The following IL7 variants were observed in gnomAD, a reference collection of about 807,000 sequenced individuals.
The protein encoded by IL7 is interleukin 7.
Under a neutral mutation model 21.6 loss-of-function variants are expected in IL7, and 3 were observed. That is an observed-to-expected ratio of 0.14 (90% CI 0.06 to 0.36). The LOEUF is 0.36. Ranked by LOEUF, IL7 falls within the 10% of genes least tolerant of loss-of-function variation. The pLI is 1.00. For synonymous variants in IL7, 62 were observed against 68.1 expected, an observed-to-expected ratio of 0.91 and a Z score of 0.44; for missense variants, 175 against 200.2, an observed-to-expected ratio of 0.87 and a Z score of 0.76.
intron 3 of IL7, among the ~76,000 whole-genome samples, chr8:78,688,569 AT>A (rs1364934653): frequency 6.6e-6 from 1 of 152,178 alleles, no homozygotes; most frequent in Admixed American, 6.5e-5. Context: ...TTATTTTACA[AT>A]GCTACAAAAT....
At chr8:78,687,737 T>C (rs182923361) in intron 3 of IL7, among the ~76,000 whole-genome samples, 47 of 66,014 alleles carry the variant, frequency 7.1e-4, no homozygotes, top group Non-Finnish European at 9.8e-4. Context: ...TATATATATT[T>C]ATGTAATACA....
At chr8:78,721,496 A>C (rs1398028366) in intron 3 of IL7, 1 of 152,052 alleles carries the variant, frequency 6.6e-6, no homozygotes, top group Non-Finnish European at 1.5e-5. Flanking sequence ...ATTCAATCTT[A>C]TCTCACTTTT....
At chr8:78,697,992 G>GT (rs1441557856) in intron 3 of IL7, among the ~76,000 whole-genome samples, 5 of 151,948 alleles carry the variant, frequency 3.3e-5, no homozygotes, top group Admixed American at 6.6e-5. Flanking sequence ...CTTTTTTGTT[G>GT]TTTTTTTCAG....
intron 2 of IL7, among the ~76,000 whole-genome samples, chr8:78,748,975 C>T (rs1272373525): frequency 6.6e-6 from 1 of 152,022 alleles, no homozygotes; most frequent in Non-Finnish European, 1.5e-5. Context: ...TATAATAAAA[C>T]ATTAAGAGAA....
At chr8:78,750,605 C>T (rs1332660293) in intron 2 of IL7, among the ~76,000 whole-genome samples, 1 of 152,234 alleles carries the variant, frequency 6.6e-6, no homozygotes, top group African/African-American at 2.4e-5. Flanking sequence ...AGGCAGATCA[C>T]GAGGTCAGGA....
intron 2 of IL7, among the ~76,000 whole-genome samples, chr8:78,780,984 A>G (rs966715953): frequency 6.6e-6 from 1 of 152,158 alleles, no homozygotes; most frequent in Non-Finnish European, 1.5e-5. Flanking sequence ...CAATTATGTA[A>G]TGCCTTTATC....
Position 78,707,258 on chromosome 8 carries a change from C to G in IL7, n.214+14090G>C, listed in dbSNP as rs549375997. ...GATATTTTTCAGTATTTCTATAGTA[C>G]TGGCAATTTTATCAGTTGGCAATAT... On this transcript the variant is annotated intron_variant and non_coding_transcript_variant, in intron 3 of 4. Transcript: ENST00000523959. 3.0e-4 allele frequency among the ~76,000 whole-genome samples: 45 copies of G among 152,298 alleles called. 1 individual carries two copies. In the South Asian group the frequency reaches 8.1e-3, roughly 27 times the overall value.
chr8:78,717,898 T>A (rs140899604), downstream of IL7: 17 of 156,106 alleles, frequency 1.1e-4, no homozygotes, highest in South Asian at 3.3e-3. Flanking sequence ...AACATTTGTA[T>A]TATTGGTGCC....
At chr8:78,780,841 T>C (rs1813304119) in intron 2 of IL7, among the ~76,000 whole-genome samples, 1 of 152,240 alleles carries the variant, frequency 6.6e-6, no homozygotes, top group African/African-American at 2.4e-5. Flanking sequence ...TGTTAAATTC[T>C]CTCACTATTA....
rs538612144 is a variant in IL7, at chr8:78,684,117, A to G, written n.273+1772T>C. Among the ~76,000 whole-genome samples the G allele has an allele frequency of 3.9e-5, 6 of 152,286 alleles. No individual in the cohort carries two copies. In the South Asian group the frequency reaches 1.2e-3, roughly 32 times the overall value. On this transcript the variant is annotated intron_variant and non_coding_transcript_variant, in intron 4 of 4. Transcript: ENST00000523959. ...CAAACTGTTTCAGCCTCTGCTCGTTACCCAGTTCCAAAGTTGCTTACACAT... is the reference window on the plus strand; with the variant it reads ...CAAACTGTTTCAGCCTCTGCTCGTTGCCCAGTTCCAAAGTTGCTTACACAT...
chr8:78,719,462 C>G (rs2130627935), intron 5 of IL7: 1 of 151,728 alleles, frequency 6.6e-6, no homozygotes, highest in East Asian at 1.9e-4. Flanking sequence ...TATTTAAATG[C>G]ATTTTTATAT....
rs1810655685 is a variant in IL7, at chr8:78,702,985, C to T, written n.215-17038G>A. On this transcript the variant is annotated intron_variant and non_coding_transcript_variant, in intron 3 of 4. Transcript: ENST00000523959. Reference sequence around the variant, plus strand: ...GATCTTGGCTCGCTGCAACCTCTGCCTCCTGGGTTCAAGCGATTCTCCTGC... The same window carrying T: ...GATCTTGGCTCGCTGCAACCTCTGCTTCCTGGGTTCAAGCGATTCTCCTGC... 2.6e-5 allele frequency among the ~76,000 whole-genome samples: 4 copies of T among 152,092 alleles called. No individual in the cohort carries two copies. In the South Asian group the frequency reaches 8.3e-4, roughly 32 times the overall value.
At chr8:78,751,871 T>C (rs1405568442) in intron 2 of IL7, among the ~76,000 whole-genome samples, 2 of 152,202 alleles carry the variant, frequency 1.3e-5, no homozygotes, top group Admixed American at 6.5e-5. Context: ...TAATTCCTCC[T>C]ATCTAGTTAT....
intron 3 of IL7, chr8:78,697,386 A>AT (rs759250877): frequency 1.6e-5 from 25 of 1,545,284 alleles, no homozygotes; most frequent in South Asian, 4.8e-5. Context: ...GTTGATTAAT[A>AT]TTTTTTTTCC....
intron 2 of IL7, among the ~76,000 whole-genome samples, chr8:78,759,063 C>A (rs1006337179): frequency 4.0e-5 from 6 of 150,504 alleles, no homozygotes; most frequent in African/African-American, 1.5e-4. Flanking sequence ...TTATTCCCCC[C>A]CCCACCTTTT....
At chr8:78,770,344 C>A (rs74536555) in intron 2 of IL7, among the ~76,000 whole-genome samples, 6,696 of 148,278 alleles carry the variant, frequency 0.045, 212 homozygotes, top group Middle Eastern at 0.082. Flanking sequence ...AGAGCTTGGT[C>A]AATTGGAGCT....
At chr8:78,802,684 C>A (rs941902270) in intron 1 of IL7, among the ~76,000 whole-genome samples, 1 of 152,268 alleles carries the variant, frequency 6.6e-6, no homozygotes, top group South Asian at 2.1e-4. Flanking sequence ...CTGCCCACCT[C>A]AGCCTCCCCA....
In IL7 at chr8:78,753,001, G is replaced by T. The variant is rs191796282; in HGVS notation, c.148-12919C>A. ...TCTTTATCCAGTCTAACATTGATGG[G>T]CATTTGGGTTGGTTCCAAGTCTTTG... On this transcript the variant is annotated intron_variant, in intron 2 of 5. Coordinates refer to ENST00000263851, the MANE Select transcript of IL7 (RefSeq NM_000880.4). Among the ~76,000 whole-genome samples the T allele has an allele frequency of 2.4e-3, 368 of 152,250 alleles. 2 individuals carry two copies. Among genetic ancestry groups the T allele is most frequent in the African/African-American group, 8.3e-3 (343 of 41,546 alleles).
At chr8:78,801,336 A>G (rs1361678103) in intron 1 of IL7, among the ~76,000 whole-genome samples, 1 of 152,154 alleles carries the variant, frequency 6.6e-6, no homozygotes, top group Non-Finnish European at 1.5e-5. Context: ...TTCTTTTGAG[A>G]GTTGAAGTAG....
Sources: gnomAD v4.1 joint callset for allele counts (sites outside exome capture counted in the v4.1 genomes callset) on GRCh38, gnomAD v4.1.1 for gene constraint, MANE v1.5 for transcripts, NCBI Gene and HGNC (gene_info 2026-07-23, HGNC 2026-07-21) for gene names.